The following ZNF331 variants were observed in gnomAD, a reference collection of about 807,000 sequenced individuals.
ZNF331 encodes the protein zinc finger protein 331.
ZNF331 carries 2 observed loss-of-function variants against 7.0 expected under a neutral mutation model. The ratio of observed to expected loss-of-function variants is 0.29; its 90% confidence interval spans 0.12 to 0.90. ZNF331 has a LOEUF of 0.90. Ranked by LOEUF, ZNF331 falls within the 40% of genes least tolerant of loss-of-function variation. The pLI is 0.58. For missense variants in ZNF331, 432 were observed against 587.7 expected (o/e 0.74, Z 2.74); for synonymous variants, 196 against 205.4 (o/e 0.95, Z 0.39).
chr19:53,572,647 TATATA>T (rs962855882), intron 5 of ZNF331, among the ~76,000 whole-genome samples: 1 of 148,186 alleles, frequency 6.7e-6, no homozygotes, highest in African/African-American at 2.5e-5. Context: ...AATATATACA[TATATA>T]GTATATATTA....
At position 53,531,003 on chromosome 19, in the gene ZNF331, C is replaced by T. The variant is rs190442918; in HGVS notation, c.-204-8213C>T. ...CTCTGAAACACTCTGATCCCAGTGC[C>T]CTCTGACTTCTGATTGTCATAGATA... is the stretch of plus-strand genomic sequence containing the variant. On this transcript the variant is annotated intron_variant, in intron 2 of 6. Transcript: ENST00000253144. Among the ~76,000 whole-genome samples, 300 of 152,080 alleles carry T rather than the reference C, an allele frequency of 2.0e-3. 2 individuals are homozygous for T. The highest frequency in any genetic ancestry group is 6.9e-3 in the African/African-American group (284 of 41,432).
intron 2 of ZNF331, among the ~76,000 whole-genome samples, chr19:53,546,534 T>TC (rs34559545): frequency 7.5e-6 from 1 of 132,760 alleles, no homozygotes; most frequent in Non-Finnish European, 1.6e-5. Flanking sequence ...TATAGAAAAA[T>TC]CCCCCCTAAA....
chr19:53,507,499 G>A, the ZNF331 span, among the ~76,000 whole-genome samples: 2 of 152,066 alleles, frequency 1.3e-5, no homozygotes, highest in Admixed American at 6.6e-5. Context: ...ATCTATCATC[G>A]GTGAAAATTT....
intron 3 of ZNF331, among the ~76,000 whole-genome samples, chr19:53,557,143 AG>A (rs1445284521): frequency 6.6e-6 from 1 of 151,892 alleles, no homozygotes; most frequent in Admixed American, 6.6e-5. Flanking sequence ...TATTTTATAG[AG>A]ACAGGGTCTT....
At chr19:53,544,511 C>G (rs1000466492) in intron 2 of ZNF331, among the ~76,000 whole-genome samples, 1 of 148,408 alleles carries the variant, frequency 6.7e-6, no homozygotes, top group Non-Finnish European at 1.5e-5. Context: ...CGCCACTGCA[C>G]TCCAGCCTGG....
At position 53,562,944 on chromosome 19, in the gene ZNF331, C is replaced by T. The variant is rs184986834; in HGVS notation, c.-73-6360C>T. Among the ~76,000 whole-genome samples the T allele has an allele frequency of 1.2e-3, 179 of 151,574 alleles. 1 individual carries two copies. The highest frequency in any genetic ancestry group is 4.1e-3 in the African/African-American group (171 of 41,352). ...CAGAGGTTGCAGTGAGTCGAGATTG[C>T]GCCACTGCACTCCAGCCTCAGCAAC... On this transcript the variant is annotated intron_variant, in intron 3 of 5. Coordinates refer to ENST00000449416, the MANE Select transcript of ZNF331 (RefSeq NM_001079906.2).
At chr19:53,544,890 T>C (rs1030028191) in intron 2 of ZNF331, among the ~76,000 whole-genome samples, 2 of 152,014 alleles carry the variant, frequency 1.3e-5, no homozygotes, top group Non-Finnish European at 2.9e-5. Flanking sequence ...CCCACCACCA[T>C]AGCCAGCTAA....
At chr19:53,533,556 G>A (rs978104648), upstream of ZNF331, among the ~76,000 whole-genome samples, 2 of 152,136 alleles carry the variant, frequency 1.3e-5, no homozygotes, top group African/African-American at 4.8e-5. Flanking sequence ...ATTTTCTGCT[G>A]AATAAGTTGT....
the ZNF331 span, among the ~76,000 whole-genome samples, chr19:53,507,168 C>T: frequency 6.6e-6 from 1 of 152,128 alleles, no homozygotes; most frequent in African/African-American, 2.4e-5. Flanking sequence ...ATGATTTTGT[C>T]ATCTGCAGCC....
chr19:53,507,272 G>A, the ZNF331 span, among the ~76,000 whole-genome samples: 29 of 152,204 alleles, frequency 1.9e-4, no homozygotes, highest in South Asian at 6.0e-3. Context: ...CGCTGATTTT[G>A]AACATTATCT....
chr19:53,569,713 G>A (rs1190882664), intron 4 of ZNF331, among the ~76,000 whole-genome samples: 1 of 152,132 alleles, frequency 6.6e-6, no homozygotes, highest in African/African-American at 2.4e-5. Flanking sequence ...CTGACCACAT[G>A]AGAAACAGAT....
chr19:53,576,587 T>C lies in ZNF331; in HGVS notation c.137-110T>C, dbSNP rs1013988836. On this transcript the variant is annotated intron_variant, in intron 5 of 5. Coordinates refer to ENST00000449416, the MANE Select transcript of ZNF331 (RefSeq NM_001079906.2). ...AACAAGAGCCCTGGGTGATTCACAT[T>C]TATTCTACTGGATAATTTTTATTTC... 8 of 936,832 alleles carry C rather than the reference T, an allele frequency of 8.5e-6. No individual in the cohort carries two copies. In the African/African-American group the frequency reaches 1.3e-4, roughly 15 times the overall value. 58.0% of individuals were successfully genotyped at this position (936,832 alleles called of 1,614,324 possible).
At chr19:53,527,504 A>T (rs1315309944) in intron 2 of ZNF331, among the ~76,000 whole-genome samples, 1 of 152,158 alleles carries the variant, frequency 6.6e-6, no homozygotes, top group Non-Finnish European at 1.5e-5. Flanking sequence ...TTAGAAGTAG[A>T]TGAGGGGTGC....
At chr19:53,521,120 C>T (rs2087058036) in exon 1 of ZNF331, 1 of 152,296 alleles carries the variant, frequency 6.6e-6, no homozygotes. Context: ...GGATCTTATC[C>T]CAACTGCGCC....
chr19:53,559,961 T>A (rs917234985), intron 3 of ZNF331, among the ~76,000 whole-genome samples: 2 of 145,092 alleles, frequency 1.4e-5, no homozygotes, highest in African/African-American at 5.1e-5. Flanking sequence ...CACACACATA[T>A]ACACCCCGTA....
upstream of ZNF331, among the ~76,000 whole-genome samples, chr19:53,516,900 A>T (rs1382139357): frequency 6.6e-6 from 1 of 152,230 alleles, no homozygotes; most frequent in African/African-American, 2.4e-5. Context: ...TATTGATTCA[A>T]TATGAAATGT....
intron 3 of ZNF331, among the ~76,000 whole-genome samples, chr19:53,564,672 A>G (rs549065134): frequency 6.6e-6 from 1 of 152,338 alleles, no homozygotes; most frequent in South Asian, 2.1e-4. Flanking sequence ...TAGTAAATGT[A>G]TTCCATATCA....
Position 53,573,150 on chromosome 19 carries a change from C to G in ZNF331, c.136+1420C>G, listed in dbSNP as rs1910523471. Reference sequence around the variant, plus strand: ...AGGAGAATCATTTGAACCTGGGAAGCAGAGGTTGCAGTGAGCCAAGATCAC... The same window carrying G: ...AGGAGAATCATTTGAACCTGGGAAGGAGAGGTTGCAGTGAGCCAAGATCAC... On this transcript the variant is annotated intron_variant, in intron 5 of 5. Transcript: ENST00000449416. This position sits in a 1 kb window ranked among gnomAD's most constrained non-coding sequence, Gnocchi z 4.2. Among the ~76,000 whole-genome samples, 1 of 151,562 alleles carries G rather than the reference C, an allele frequency of 6.6e-6. No individual in the cohort carries two copies. The highest frequency in any genetic ancestry group is 2.4e-5 in the African/African-American group (1 of 41,220).
At chr19:53,550,006 T>A (rs1759940085) in intron 2 of ZNF331, among the ~76,000 whole-genome samples, 1 of 152,246 alleles carries the variant, frequency 6.6e-6, no homozygotes, top group Non-Finnish European at 1.5e-5. Flanking sequence ...TTGTTTAGCA[T>A]CATGTCGATT....
Sources: allele counts gnomAD v4.1 joint callset (sites outside exome capture counted in the v4.1 genomes callset), GRCh38; gene constraint gnomAD v4.1.1; non-coding constraint Gnocchi (gnomAD v3.1); transcripts MANE v1.5; gene names NCBI Gene and HGNC (gene_info 2026-07-23, HGNC 2026-07-21).